TYW1B: variants seen among roughly 807,000 people sequenced by gnomAD.
The protein encoded by TYW1B is tRNA-yW synthesizing protein 1 homolog B.
TYW1B carries 73 observed loss-of-function variants against 86.9 expected under a neutral mutation model. That is an observed-to-expected ratio of 0.84 (90% confidence interval 0.70 to 1.02). TYW1B has a LOEUF of 1.02. Among genes scored for constraint, TYW1B ranks in the 50% least tolerant of loss-of-function variants. The pLI is 0.00. For synonymous variants in TYW1B, 248 were observed against 292.8 expected, an observed-to-expected ratio of 0.85 and a Z score of 1.56; for missense variants, 637 against 827.4, an observed-to-expected ratio of 0.77 and a Z score of 2.82.
At chr7:72,673,943 T>C (rs1463611808) in intron 11 of TYW1B, among the ~76,000 whole-genome samples, 7 of 152,144 alleles carry the variant, frequency 4.6e-5, no homozygotes, top group African/African-American at 1.7e-4. Context: ...TCCTCCTTCA[T>C]AGAGTTATTA....
chr7:72,623,800 T>C (rs1251325894), intron 12 of TYW1B, among the ~76,000 whole-genome samples: 1 of 152,190 alleles, frequency 6.6e-6, no homozygotes, highest in Non-Finnish European at 1.5e-5. Flanking sequence ...ATTGCTGTTG[T>C]TATTTATTAA....
chr7:72,785,886 G>C (rs1788120537), intron 6 of TYW1B, among the ~76,000 whole-genome samples: 1 of 152,038 alleles, frequency 6.6e-6, no homozygotes, highest in Non-Finnish European at 1.5e-5. Context: ...GCTGAGGCAG[G>C]TGGATCACCT....
rs574097841 is a variant in TYW1B at position 72,822,667 on chromosome 7, C to A, written c.135+4188G>T. Among the ~76,000 whole-genome samples, 452 of 152,296 alleles carry A rather than the reference C, an allele frequency of 3.0e-3. 2 individuals are homozygous for A. Among genetic ancestry groups the A allele is most frequent in the African/African-American group, 9.0e-3 (372 of 41,564 alleles). On this transcript the variant is annotated intron_variant, in intron 2 of 13. Transcript: ENST00000620995. ...CAGAATGAAGAAATATTGAGATGGG[C>A]TGGGCACAGTGGCTCACACCTGTAA...
intron 13 of TYW1B, among the ~76,000 whole-genome samples, chr7:72,585,130 A>C (rs766592262): frequency 6.6e-6 from 1 of 152,242 alleles, no homozygotes; most frequent in Non-Finnish European, 1.5e-5. Context: ...AGAGTCATCT[A>C]TATGGGAGAT....
chr7:72,733,171 C>CAA (rs1174157029), intron 8 of TYW1B, among the ~76,000 whole-genome samples: 1 of 15,948 alleles, frequency 6.3e-5, no homozygotes, highest in African/African-American at 1.4e-4. Context: ...CACACACACA[C>CAA]ACACACACAC....
In TYW1B at chr7:72,753,416, C is replaced by T. The variant is rs141727035; in HGVS notation, c.965-8815G>A. 3.4e-3 allele frequency among the ~76,000 whole-genome samples: 519 copies of T among 151,474 alleles called. 1 individual carries two copies. Among genetic ancestry groups the T allele is most frequent in the African/African-American group, 0.011 (468 of 41,298 alleles). ...ATGTTTCAACTGTCAATATTAGCAT[C>T]GCAAATGGTGGGCTGACCAGCAAAA... On this transcript the variant is annotated intron_variant, in intron 7 of 13. Transcript: ENST00000620995.
intron 7 of TYW1B, among the ~76,000 whole-genome samples, chr7:72,745,020 C>A (rs1405777563): frequency 6.6e-6 from 1 of 152,144 alleles, no homozygotes; most frequent in Admixed American, 6.5e-5. Context: ...CCTGGAGTGT[C>A]GTTCTTTTGT....
At chr7:72,719,631 CAAAAAAAAAA>C (rs67560586) in intron 9 of TYW1B, among the ~76,000 whole-genome samples, 6 of 65,056 alleles carry the variant, frequency 9.2e-5, no homozygotes, top group African/African-American at 1.9e-4. Flanking sequence ...ATTCCGTCTC[CAAAAAAAAAA>C]AAAAAAAAAA....
intron 9 of TYW1B, among the ~76,000 whole-genome samples, chr7:72,725,313 A>G (rs36071435): frequency 1.3e-5 from 2 of 152,224 alleles, no homozygotes; most frequent in African/African-American, 2.4e-5. Flanking sequence ...TTCAGGGCAG[A>G]GCTGATTCCT....
chr7:72,623,986 G>C (rs1303112128), intron 12 of TYW1B, among the ~76,000 whole-genome samples: 1 of 152,006 alleles, frequency 6.6e-6, no homozygotes, highest in Admixed American at 6.6e-5. Flanking sequence ...ATTTTTAGTA[G>C]AGACAGGGTT....
At chr7:72,644,415 G>T (rs758272647) in intron 11 of TYW1B, among the ~76,000 whole-genome samples, 4 of 152,118 alleles carry the variant, frequency 2.6e-5, no homozygotes, top group Non-Finnish European at 5.9e-5. Context: ...GGGCGTGGTG[G>T]TGGGTACCTA....
chr7:72,721,624 G>GCA (rs149471740), intron 9 of TYW1B, among the ~76,000 whole-genome samples: 9 of 150,502 alleles, frequency 6.0e-5, no homozygotes, highest in South Asian at 2.1e-4. Flanking sequence ...ACACACACAT[G>GCA]CACACACACA....
At chr7:72,810,384 A>G (rs1788583498) in intron 4 of TYW1B, 87 bp downstream of exon 4, 6 of 968,470 alleles carry the variant, frequency 6.2e-6, no homozygotes, top group Non-Finnish European at 8.9e-6. Flanking sequence ...ACGTGTGTGC[A>G]CGTGTGTTTG....
intron 10 of TYW1B, among the ~76,000 whole-genome samples, chr7:72,705,035 A>C (rs1814580082): frequency 6.6e-6 from 1 of 152,186 alleles, no homozygotes; most frequent in Admixed American, 6.6e-5. Flanking sequence ...TTCTATTGAA[A>C]GAATCAGGCC....
chr7:72,805,871 G>T (rs1788484585), intron 5 of TYW1B, among the ~76,000 whole-genome samples: 1 of 152,160 alleles, frequency 6.6e-6, no homozygotes, highest in Admixed American at 6.6e-5. Context: ...ATGTAAAGTT[G>T]CTGCTGAATT....
intron 7 of TYW1B, among the ~76,000 whole-genome samples, chr7:72,745,849 GGGGTGTGTGTGTGTGT>G (rs1366977272): frequency 3.1e-5 from 4 of 130,024 alleles, no homozygotes; most frequent in South Asian, 2.5e-4. Context: ...CACGTGTATA[GGGGTGTGTGTGTGTGT>G]GTGTGTGTGT....
intron 11 of TYW1B, among the ~76,000 whole-genome samples, chr7:72,667,540 C>T (rs1285553004): frequency 9.2e-5 from 14 of 152,028 alleles, no homozygotes; most frequent in Non-Finnish European, 1.8e-4. Context: ...ACGGCAAAAC[C>T]CTGTCTCTAT....
intron 11 of TYW1B, among the ~76,000 whole-genome samples, chr7:72,687,952 T>C (rs573433839): frequency 2.0e-5 from 3 of 152,226 alleles, no homozygotes; most frequent in African/African-American, 7.2e-5. Flanking sequence ...CTAGGGAGGC[T>C]GAGGCAGGAG....
intron 13 of TYW1B, among the ~76,000 whole-genome samples, chr7:72,577,417 C>G (rs1357201706): frequency 6.6e-6 from 1 of 152,084 alleles, no homozygotes; most frequent in East Asian, 1.9e-4. Context: ...ACTCTACAAC[C>G]CAAGATGTAA....
Sources: allele counts gnomAD v4.1 joint callset (sites outside exome capture counted in the v4.1 genomes callset), GRCh38; gene constraint gnomAD v4.1.1; transcripts MANE v1.5; gene names NCBI Gene and HGNC (gene_info 2026-07-23, HGNC 2026-07-21).